PHF20: variants seen among roughly 807,000 people sequenced by gnomAD.
The protein encoded by PHF20 is glioma-expressed antigen 2.
PHF20 carries 23 observed loss-of-function variants against 113.5 expected under a neutral mutation model. That is an observed-to-expected ratio of 0.20 (90% CI 0.15 to 0.29). The LOEUF is 0.29. Among genes scored for constraint, PHF20 ranks in the 10% least tolerant of loss-of-function variants. The pLI is 1.00. For synonymous variants in PHF20, 434 were observed against 457.3 expected (o/e 0.95, Z 0.65); for missense variants, 943 against 1,219.6 (o/e 0.77, Z 3.38).
intron 15 of PHF20, 68 bp downstream of exon 15, chr20:35,931,512 G>A: frequency 8.2e-7 from 1 of 1,221,652 alleles, no homozygotes; most frequent in Non-Finnish European, 1.1e-6. Flanking sequence ...GTAAATCTGA[G>A]AAATTGGAAA....
At chr20:35,810,666 A>G (rs2041961240) in intron 2 of PHF20, among the ~76,000 whole-genome samples, 1 of 152,142 alleles carries the variant, frequency 6.6e-6, no homozygotes, top group Admixed American at 6.6e-5. Context: ...AGTTCATAGC[A>G]TTTTTGTAAT....
chr20:35,877,575 A>G (rs897354715), intron 9 of PHF20, among the ~76,000 whole-genome samples: 1 of 143,302 alleles, frequency 7.0e-6, no homozygotes, highest in African/African-American at 2.6e-5. Context: ...TCAGCCTCCC[A>G]CTTTCTTTTT....
chr20:35,891,452 T>G (rs567557660), intron 9 of PHF20, among the ~76,000 whole-genome samples: 6 of 151,672 alleles, frequency 4.0e-5, no homozygotes, highest in South Asian at 4.2e-4. Flanking sequence ...CCAACTGTTA[T>G]ACAAATAGAA....
At chr20:35,858,510 C>A in intron 5 of PHF20, 129 bp downstream of exon 5, 1 of 556,094 alleles carries the variant, frequency 1.8e-6, no homozygotes, top group South Asian at 2.8e-5. Context: ...ACAATTTCAC[C>A]AGAAAATAAT....
intron 9 of PHF20, among the ~76,000 whole-genome samples, chr20:35,875,200 C>G (rs1396927138): frequency 6.6e-6 from 1 of 152,060 alleles, no homozygotes; most frequent in Admixed American, 6.6e-5. Flanking sequence ...GAATTCGAGA[C>G]CAGCCTGGCC....
At chr20:35,847,328 T>C in intron 3 of PHF20, 22 bp from the exon 4 acceptor site, 1 of 1,548,904 alleles carries the variant, frequency 6.5e-7, no homozygotes, top group Non-Finnish European at 8.8e-7. Flanking sequence ...CAGGATCTTT[T>C]TTTTTTTTTT....
intron 9 of PHF20, among the ~76,000 whole-genome samples, chr20:35,890,323 C>A (rs185037612): frequency 1.3e-5 from 2 of 152,338 alleles, no homozygotes; most frequent in East Asian, 1.9e-4. Flanking sequence ...AGCCACTACA[C>A]CTGACCTATT....
At chr20:35,778,820 G>A (rs2041226314) in intron 1 of PHF20, among the ~76,000 whole-genome samples, 1 of 151,850 alleles carries the variant, frequency 6.6e-6, no homozygotes, top group South Asian at 2.1e-4. Context: ...CTAGATCTTG[G>A]GCTAGGTCCT....
rs1021736189 is a variant in PHF20 at position 35,919,510 on chromosome 20, T to A, written c.2004+1848T>A. 7.9e-5 allele frequency among the ~76,000 whole-genome samples: 12 copies of A among 152,230 alleles called. No individual in the cohort carries two copies. The South Asian group carries it at 2.5e-3, about 32-fold the overall frequency. On this transcript the variant is annotated intron_variant, in intron 13 of 17. Coordinates refer to ENST00000374012, the MANE Select transcript of PHF20 (RefSeq NM_016436.5). ...GCCTGCCACCATGCCCGGCTAATTT[T>A]TGTATTTTTAGTAGAGACGGTGTTT...
intron 5 of PHF20, among the ~76,000 whole-genome samples, chr20:35,860,171 A>C (rs559230400): frequency 1.7e-3 from 252 of 145,806 alleles, no homozygotes; most frequent in African/African-American, 6.2e-3. Flanking sequence ...CCCACCTTGG[A>C]CTCCTAAAGT....
At chr20:35,821,610 G>A (rs917624007) in intron 2 of PHF20, among the ~76,000 whole-genome samples, 1 of 152,080 alleles carries the variant, frequency 6.6e-6, no homozygotes, top group African/African-American at 2.4e-5. Flanking sequence ...AGTGAGCTGA[G>A]ATGGTGCCAC....
chr20:35,870,877 C>T, intron 7 of PHF20, 78 bp from the exon 8 acceptor site: 1 of 1,053,520 alleles, frequency 9.5e-7, no homozygotes, highest in Non-Finnish European at 1.4e-6. Context: ...TTAGAGACAT[C>T]CAGCCCTGAA....
chr20:35,863,521 T>A, intron 6 of PHF20, 121 bp downstream of exon 6: 1 of 1,039,846 alleles, frequency 9.6e-7, no homozygotes, highest in East Asian at 2.4e-5. Context: ...TTGAATTGTC[T>A]TATGATCTGG....
intron 10 of PHF20, among the ~76,000 whole-genome samples, chr20:35,912,788 C>T (rs954670857): frequency 6.6e-6 from 1 of 152,082 alleles, no homozygotes; most frequent in Non-Finnish European, 1.5e-5. Flanking sequence ...GCTGAGATCG[C>T]GCCACTGCAC....
chr20:35,776,234 G>A (rs769532429), intron 1 of PHF20, among the ~76,000 whole-genome samples: 39 of 152,146 alleles, frequency 2.6e-4, no homozygotes, highest in South Asian at 8.3e-4. Flanking sequence ...CCATGAGTAG[G>A]GAGTCTGTGA....
In PHF20 at chr20:35,801,608, AC is replaced by A. The variant is rs1387829863; in HGVS notation, c.83+4del. 1.2e-6 allele frequency: 2 copies of A among 1,602,362 alleles called. No individual in the cohort carries two copies. Among genetic ancestry groups the A allele is most frequent in the East Asian group, 4.5e-5 (2 of 44,780 alleles). On this transcript the variant is annotated splice_donor_region_variant and intron_variant, in intron 2 of 17. Transcript: ENST00000374012. ...GCCCGGGACCGTTTAAAAAACTGGT[AC>A]TTTTACATTTTTCTGTTAATTAAAG...
intron 1 of PHF20, among the ~76,000 whole-genome samples, chr20:35,792,672 G>C (rs1358090000): frequency 6.6e-6 from 1 of 152,078 alleles, no homozygotes; most frequent in Non-Finnish European, 1.5e-5. Flanking sequence ...TACGACTAAA[G>C]ATACGCTCTT....
chr20:35,894,247 A>T (rs771348332), intron 9 of PHF20, among the ~76,000 whole-genome samples: 1 of 152,244 alleles, frequency 6.6e-6, no homozygotes, highest in Non-Finnish European at 1.5e-5. Flanking sequence ...AGCTGTCTCC[A>T]GCCATGTTCC....
At chr20:35,775,356 T>A (rs568471170) in intron 1 of PHF20, among the ~76,000 whole-genome samples, 8 of 152,302 alleles carry the variant, frequency 5.3e-5, no homozygotes, top group Admixed American at 5.2e-4. Flanking sequence ...TATATTTTTT[T>A]ATTTTATCTT....
Sources: allele counts gnomAD v4.1 joint callset (sites outside exome capture counted in the v4.1 genomes callset), GRCh38; gene constraint gnomAD v4.1.1; transcripts MANE v1.5; gene names NCBI Gene and HGNC (gene_info 2026-07-23, HGNC 2026-07-21).